AGMO: variants seen among roughly 807,000 people sequenced by gnomAD.
AGMO encodes the protein glyceryl-ether monooxygenase.
A neutral mutation model predicts 60.2 loss-of-function variants in AGMO; 75 were observed. The observed-to-expected ratio is 1.25, with a 90% confidence interval of 1.03 to 1.51. The LOEUF is 1.51. AGMO is among the 40% of genes most tolerant of loss of function. AGMO has a pLI of 0.00. For missense variants in AGMO, 763 were observed against 525.5 expected (o/e 1.45, Z -4.42); for synonymous variants, 261 against 177.1 (o/e 1.47, Z -3.76).
At chr7:15,168,155 T>A in the AGMO span, among the ~76,000 whole-genome samples, 2 of 152,134 alleles carry the variant, frequency 1.3e-5, no homozygotes, top group Non-Finnish European at 2.9e-5. Flanking sequence ...AAGGTACAGG[T>A]CATTAGCCAG....
chr7:15,198,235 GAGAGAGAGAGAGAGAGAGAGACAGAGAC>G (rs1563030422), downstream of AGMO, among the ~76,000 whole-genome samples: 8 of 114,506 alleles, frequency 7.0e-5, no homozygotes, highest in South Asian at 2.8e-4. Context: ...GAGAGAGAGA[GAGAGAGAGAGAGAGAGAGAGACAGAGAC>G]AGAGAGAGAG....
intron 3 of AGMO, among the ~76,000 whole-genome samples, chr7:15,511,750 T>C (rs998428624): frequency 2.0e-5 from 3 of 152,224 alleles, no homozygotes; most frequent in African/African-American, 7.2e-5. Context: ...GTTGAATATA[T>C]AGTTTTATTT....
At chr7:15,503,048 C>G (rs993326399) in intron 3 of AGMO, among the ~76,000 whole-genome samples, 4 of 152,024 alleles carry the variant, frequency 2.6e-5, no homozygotes, top group African/African-American at 9.7e-5. Context: ...GACATTGATT[C>G]AGAGGGACAA....
chr7:15,416,023 T>C (rs1275664192), intron 5 of AGMO, among the ~76,000 whole-genome samples: 5 of 126,944 alleles, frequency 3.9e-5, no homozygotes. Flanking sequence ...TCTTTTCTTT[T>C]TTTCTTTTTT....
chr7:15,387,347 T>A, intron 9 of AGMO, 59 bp downstream of exon 9: 1 of 1,580,886 alleles, frequency 6.3e-7, no homozygotes, highest in Non-Finnish European at 8.6e-7. Flanking sequence ...ACAGGCTGGC[T>A]GTAGACCTGA....
chr7:15,148,106 C>A, the AGMO span, among the ~76,000 whole-genome samples: 3 of 151,472 alleles, frequency 2.0e-5, no homozygotes, highest in African/African-American at 7.3e-5. Flanking sequence ...TTTATTTAGA[C>A]TTAGTTAACA....
chr7:15,299,430 T>C (rs1183167250), intron 12 of AGMO, among the ~76,000 whole-genome samples: 2 of 152,172 alleles, frequency 1.3e-5, no homozygotes, highest in African/African-American at 4.8e-5. Context: ...AGTAAATTAC[T>C]CAACTCTATC....
chr7:15,172,123 T>C, the AGMO span, among the ~76,000 whole-genome samples: 3 of 152,284 alleles, frequency 2.0e-5, no homozygotes, highest in Admixed American at 1.3e-4. Context: ...CCAGATTACA[T>C]ATGGAAGTTA....
At chr7:15,317,180 A>T (rs1464103953) in intron 12 of AGMO, among the ~76,000 whole-genome samples, 2 of 152,180 alleles carry the variant, frequency 1.3e-5, no homozygotes, top group Non-Finnish European at 2.9e-5. Flanking sequence ...CAAATCAAGG[A>T]AACATTTCAG....
intron 12 of AGMO, among the ~76,000 whole-genome samples, chr7:15,205,669 A>G (rs1781421317): frequency 6.6e-6 from 1 of 152,130 alleles, no homozygotes; most frequent in Admixed American, 6.6e-5. Context: ...AAGATGTCAG[A>G]CTTAGTCATT....
At chr7:15,340,174 C>T (rs1033389433) in intron 12 of AGMO, among the ~76,000 whole-genome samples, 2 of 152,298 alleles carry the variant, frequency 1.3e-5, no homozygotes, top group African/African-American at 2.4e-5. Flanking sequence ...ACGTTATACA[C>T]ATAGCCTGAA....
chr7:15,542,551 C>G (rs888404328), intron 3 of AGMO, among the ~76,000 whole-genome samples: 1 of 152,084 alleles, frequency 6.6e-6, no homozygotes, highest in African/African-American at 2.4e-5. Context: ...CCCAAATAAA[C>G]ACATCCGTGT....
intron 12 of AGMO, among the ~76,000 whole-genome samples, chr7:15,219,535 T>G (rs1300381165): frequency 6.6e-6 from 1 of 152,140 alleles, no homozygotes; most frequent in East Asian, 1.9e-4. Context: ...CTGAGAGGTC[T>G]GATCCTGAGA....
intron 12 of AGMO, among the ~76,000 whole-genome samples, chr7:15,354,433 T>TGTACACACGC (rs1782413275): frequency 4.0e-5 from 1 of 24,718 alleles, no homozygotes; most frequent in Non-Finnish European, 6.0e-5. Context: ...CACACACGTG[T>TGTACACACGC]GTGTATACAC....
At chr7:15,121,763 A>T in the AGMO span, among the ~76,000 whole-genome samples, 1 of 152,138 alleles carries the variant, frequency 6.6e-6, no homozygotes, top group Non-Finnish European at 1.5e-5. Flanking sequence ...GAGGCCACAC[A>T]TCTACAATGA....
intron 3 of AGMO, among the ~76,000 whole-genome samples, chr7:15,517,805 A>G (rs1000523821): frequency 2.0e-5 from 3 of 151,958 alleles, no homozygotes; most frequent in Non-Finnish European, 4.4e-5. Flanking sequence ...TGGTGCCTGG[A>G]ATACCAGTGA....
At chr7:15,322,557 AATAT>A (rs1167807876) in intron 12 of AGMO, among the ~76,000 whole-genome samples, 1 of 44,266 alleles carries the variant, frequency 2.3e-5, no homozygotes, top group African/African-American at 1.4e-4. Flanking sequence ...AATATATATA[AATAT>A]ATAAATATAT....
At chr7:15,425,957 G>C (rs1781050953) in intron 4 of AGMO, among the ~76,000 whole-genome samples, 1 of 152,096 alleles carries the variant, frequency 6.6e-6, no homozygotes, top group Admixed American at 6.6e-5. Context: ...TTATGCTTTT[G>C]AGAGAAATAC....
chr7:15,225,597 T>C (rs570544837), intron 12 of AGMO, among the ~76,000 whole-genome samples: 2 of 152,062 alleles, frequency 1.3e-5, no homozygotes, highest in South Asian at 2.1e-4. Flanking sequence ...CTTACATTAA[T>C]ATGAGAGATA....
Sources: allele counts gnomAD v4.1 joint callset (sites outside exome capture counted in the v4.1 genomes callset), GRCh38; gene constraint gnomAD v4.1.1; transcripts MANE v1.5; gene names NCBI Gene and HGNC (gene_info 2026-07-23, HGNC 2026-07-21).